The following GNB1 variants were observed in gnomAD, a reference collection of about 807,000 sequenced individuals.
GNB1 encodes G protein subunit beta 1.
GNB1 carries 2 observed loss-of-function variants against 42.9 expected under a neutral mutation model. The ratio of observed to expected loss-of-function variants is 0.05; its 90% CI spans 0.02 to 0.15. The LOEUF (loss-of-function observed/expected upper bound fraction) is 0.15, where lower values mean the gene tolerates loss of function less well. GNB1 is among the 10% of genes least tolerant of loss of function. GNB1 has a pLI of 1.00. For missense variants in GNB1, 193 were observed against 462.2 expected (o/e 0.42, Z 5.34); for synonymous variants, 183 against 174.7 (o/e 1.05, Z -0.38).
intron 1 of GNB1, among the ~76,000 whole-genome samples, chr1:1,876,818 G>C (rs1261955125): frequency 2.6e-5 from 4 of 152,132 alleles, no homozygotes; most frequent in African/African-American, 9.7e-5. Context: ...TGGAAGACAA[G>C]AAAACTAAGG....
Position 1,786,169 on chromosome 1 carries a change from A to G in GNB1, c.*894T>C. 1 of 398,398 alleles carries G rather than the reference A, an allele frequency of 2.5e-6. No individual in the cohort carries two copies. The highest frequency in any genetic ancestry group is 4.4e-6 in the Non-Finnish European group (1 of 225,840). 24.7% of individuals were successfully genotyped at this position (398,398 alleles called of 1,614,324 possible). The stretch of plus-strand genomic sequence containing the variant: ...CTGACTATCCAAGCACAGGACAGGC[A>G]TCTCTCTTGAAAACAGAGGTTCCTC... On this transcript the variant is annotated 3_prime_UTR_variant, in exon 12 of 12. Coordinates refer to ENST00000378609, the MANE Select transcript of GNB1 (RefSeq NM_002074.5).
chr1:1,870,614 C>G (rs1649195274), intron 1 of GNB1, among the ~76,000 whole-genome samples: 1 of 152,218 alleles, frequency 6.6e-6, no homozygotes. Context: ...GTTAGCGTTG[C>G]TGGAATTACA....
intron 1 of GNB1, among the ~76,000 whole-genome samples, chr1:1,844,045 A>C (rs907979347): frequency 1.3e-5 from 2 of 152,104 alleles, no homozygotes; most frequent in African/African-American, 4.8e-5. Context: ...AATACAAAAA[A>C]TTAGCTGGGC....
intron 3 of GNB1, 78 bp from the exon 4 acceptor site, chr1:1,817,953 A>AAG: frequency 8.8e-7 from 1 of 1,134,292 alleles, no homozygotes; most frequent in Non-Finnish European, 1.3e-6. Context: ...CAAAGTTTCA[A>AAG]AGAGAGCTTT....
intron 1 of GNB1, among the ~76,000 whole-genome samples, chr1:1,842,226 T>C (rs11260620): frequency 0.26 from 39,549 of 151,922 alleles, 5,290 homozygotes; most frequent in African/African-American, 0.29. Flanking sequence ...GTCAGCAGAT[T>C]GAGACCATCC....
At chr1:1,857,827 T>G (rs1474955758) in intron 1 of GNB1, among the ~76,000 whole-genome samples, 3 of 152,290 alleles carry the variant, frequency 2.0e-5, no homozygotes, top group South Asian at 2.1e-4. Context: ...TAACAAAGTT[T>G]TATTTATAAA....
At chr1:1,888,392 G>C (rs969895647) in intron 1 of GNB1, among the ~76,000 whole-genome samples, 1 of 151,730 alleles carries the variant, frequency 6.6e-6, no homozygotes, top group Non-Finnish European at 1.5e-5. Flanking sequence ...AGGCGGGCGG[G>C]GGGAGCACTT....
chr1:1,791,721 A>C (rs575107052), intron 8 of GNB1, among the ~76,000 whole-genome samples: 29 of 152,310 alleles, frequency 1.9e-4, no homozygotes, highest in Non-Finnish European at 4.1e-4. Context: ...AGCCAATCTC[A>C]ACAGACACTG....
intron 1 of GNB1, among the ~76,000 whole-genome samples, chr1:1,883,842 T>C (rs1649992334): frequency 6.6e-6 from 1 of 152,236 alleles, no homozygotes; most frequent in Admixed American, 6.5e-5. Context: ...GCCAATCCTT[T>C]TGAAAACTAC....
intron 5 of GNB1, among the ~76,000 whole-genome samples, chr1:1,809,796 C>G (rs1646750294): frequency 6.6e-6 from 1 of 152,156 alleles, no homozygotes; most frequent in Admixed American, 6.6e-5. Flanking sequence ...TTCACGTTGC[C>G]TAGTAGTGCC....
chr1:1,879,968 G>T (rs190225028), intron 1 of GNB1, among the ~76,000 whole-genome samples: 1 of 152,156 alleles, frequency 6.6e-6, no homozygotes, highest in East Asian at 1.9e-4. Flanking sequence ...GCCTCACTCT[G>T]TCACCCAGGC....
intron 1 of GNB1, among the ~76,000 whole-genome samples, chr1:1,866,541 G>C (rs1265873138): frequency 1.3e-5 from 2 of 152,042 alleles, no homozygotes; most frequent in Non-Finnish European, 2.9e-5. Flanking sequence ...GATTCATCCA[G>C]GGGTGTCCAA....
intron 1 of GNB1, among the ~76,000 whole-genome samples, chr1:1,873,564 G>A (rs1231005867): frequency 6.6e-6 from 1 of 152,238 alleles, no homozygotes; most frequent in Non-Finnish European, 1.5e-5. Flanking sequence ...GGGGTAGTTT[G>A]TTACCCAGGA....
intron 1 of GNB1, among the ~76,000 whole-genome samples, chr1:1,852,893 C>G (rs750431584): frequency 6.6e-6 from 1 of 152,096 alleles, no homozygotes; most frequent in East Asian, 1.9e-4. Flanking sequence ...GTTCTTCTCT[C>G]AAGTCGAGGA....
At chr1:1,889,910 C>G (rs1320688778) in intron 1 of GNB1, among the ~76,000 whole-genome samples, 4 of 150,248 alleles carry the variant, frequency 2.7e-5, no homozygotes, top group Non-Finnish European at 3.0e-5. Context: ...AAAAGCCGAT[C>G]CAGGCAAGAG....
chr1:1,810,714 T>G (rs535121905), intron 5 of GNB1, among the ~76,000 whole-genome samples: 6 of 151,594 alleles, frequency 4.0e-5, no homozygotes, highest in South Asian at 2.1e-4. Flanking sequence ...GTCACCCAGG[T>G]TGGAGTGCAG....
At chr1:1,852,218 A>G (rs1435411713) in intron 1 of GNB1, among the ~76,000 whole-genome samples, 1 of 151,686 alleles carries the variant, frequency 6.6e-6, no homozygotes, top group African/African-American at 2.4e-5. Flanking sequence ...TAGGCAACAT[A>G]GCAAGATCCT....
At chr1:1,795,098 G>C (rs975117692) in intron 7 of GNB1, among the ~76,000 whole-genome samples, 1 of 152,198 alleles carries the variant, frequency 6.6e-6, no homozygotes, top group Non-Finnish European at 1.5e-5. Flanking sequence ...ACTTCCTGGA[G>C]GCCACACCAC....
intron 6 of GNB1, 131 bp from the exon 7 acceptor site, chr1:1,804,712 G>A (rs1646672903): frequency 3.0e-6 from 2 of 664,632 alleles, no homozygotes; most frequent in Non-Finnish European, 5.1e-6. Flanking sequence ...ATTATCTAGA[G>A]AGCGATTCCC....
Sources: gnomAD v4.1 joint callset for allele counts (sites outside exome capture counted in the v4.1 genomes callset) on GRCh38, gnomAD v4.1.1 for gene constraint, MANE v1.5 for transcripts, NCBI Gene and HGNC (gene_info 2026-07-23, HGNC 2026-07-21) for gene names.